The following IQSEC1 variants were observed in gnomAD, a reference collection of about 807,000 sequenced individuals.
IQSEC1 encodes IQ motif and Sec7 domain ArfGEF 1.
In IQSEC1, 31 loss-of-function variants were observed where a neutral mutation model predicts 91.0. The ratio of observed to expected loss-of-function variants is 0.34; its 90% CI spans 0.26 to 0.46. The LOEUF (loss-of-function observed/expected upper bound fraction) is 0.46, where lower values mean the gene tolerates loss of function less well. IQSEC1 is among the 20% of genes least tolerant of loss of function. The probability of loss-of-function intolerance (pLI) is 1.00; values close to 1 mark genes in which losing one functional copy is unlikely to be tolerated. For missense variants in IQSEC1, 1,388 were observed against 1,575.6 expected (o/e 0.88, Z 2.02); for synonymous variants, 699 against 662.6 (o/e 1.05, Z -0.84).
rs1181160077 is a variant in IQSEC1 at position 12,908,195 on chromosome 3, T to TCA, written c.2755+152_2755+153dup. On this transcript the variant is annotated intron_variant, in intron 12 of 13. Coordinates refer to ENST00000613206, the MANE Select transcript of IQSEC1 (RefSeq NM_001134382.3). The surrounding 1 kb of genome is among the most constrained non-coding windows in gnomAD (Gnocchi z 4.9). ...CTTTTTGGGGCGCCCTTTCTGTATG[T>TCA]CACACGCTGCTCTGCTTTGCGGAAG... 1.3e-5 allele frequency among the ~76,000 whole-genome samples: 2 copies of TCA among 152,366 alleles called. No homozygotes were observed. The highest frequency in any genetic ancestry group is 3.9e-4 in the East Asian group (2 of 5,186).
At chr3:13,113,301 T>C (rs1225150339) in intron 2 of IQSEC1, among the ~76,000 whole-genome samples, 2 of 152,150 alleles carry the variant, frequency 1.3e-5, no homozygotes, top group African/African-American at 4.8e-5. Flanking sequence ...GTGGGTTCAA[T>C]ATGGAAGAGG....
chr3:13,164,196 G>T (rs1021195878), intron 1 of IQSEC1, among the ~76,000 whole-genome samples: 1 of 152,034 alleles, frequency 6.6e-6, no homozygotes, highest in East Asian at 1.9e-4. Context: ...CCTGCACAAC[G>T]ACACTAGATG....
chr3:12,951,984 T>C (rs549680639), intron 1 of IQSEC1, among the ~76,000 whole-genome samples: 4 of 151,826 alleles, frequency 2.6e-5, no homozygotes, highest in African/African-American at 9.7e-5. Context: ...AGAGCGAGAG[T>C]CTGCAGGAAG....
At chr3:13,013,117 C>T (rs778715594) in intron 1 of IQSEC1, among the ~76,000 whole-genome samples, 10 of 152,186 alleles carry the variant, frequency 6.6e-5, no homozygotes, top group African/African-American at 1.9e-4. Flanking sequence ...TGCGCCACCA[C>T]GCCCGGCTAA....
chr3:13,143,471 C>T (rs1420415949), intron 2 of IQSEC1, among the ~76,000 whole-genome samples: 1 of 152,322 alleles, frequency 6.6e-6, no homozygotes, highest in Admixed American at 6.5e-5. Flanking sequence ...GGACGCAGAG[C>T]CTTGGCCCTG....
intron 1 of IQSEC1, among the ~76,000 whole-genome samples, chr3:13,213,743 A>G (rs6806609): frequency 0.45 from 67,716 of 152,066 alleles, 15,632 homozygotes; most frequent in African/African-American, 0.57. Context: ...TCCCAGGGAT[A>G]TGAGTGGGTC....
chr3:13,073,165 T>G lies in IQSEC1; in HGVS notation c.-151A>C. The G allele has an allele frequency of 2.0e-5, 10 of 507,338 alleles. No individual in the cohort carries two copies. Among genetic ancestry groups the G allele is most frequent in the East Asian group, 1.1e-4 (2 of 18,156 alleles). The allele number at this position is 507,338 out of a possible 1,614,324, so 31.4% of individuals were successfully genotyped here. ...CACATTCCCGGGGGTGGCGGGCTCCTCCAGGGAGGCTGGGGCGGGAGCGGG... is the reference window on the plus strand; with the variant it reads ...CACATTCCCGGGGGTGGCGGGCTCCGCCAGGGAGGCTGGGGCGGGAGCGGG... On this transcript the variant is annotated 5_prime_UTR_variant, in exon 1 of 14. Coordinates refer to ENST00000613206, the MANE Select transcript of IQSEC1 (RefSeq NM_001134382.3).
intron 1 of IQSEC1, among the ~76,000 whole-genome samples, chr3:13,233,855 C>A (rs1035589215): frequency 6.6e-6 from 1 of 152,190 alleles, no homozygotes; most frequent in African/African-American, 2.4e-5. Flanking sequence ...CGGGGCACTT[C>A]CCCTCTCTGT....
In IQSEC1 at chr3:13,207,830, T is replaced by G. The variant is rs1298320020; in HGVS notation, c.273-43697A>C. 2.6e-5 allele frequency among the ~76,000 whole-genome samples: 4 copies of G among 152,276 alleles called. No homozygotes were observed. The highest frequency in any genetic ancestry group is 9.6e-5 in the African/African-American group (4 of 41,558). On this transcript the variant is annotated intron_variant, in intron 1 of 15. Coordinates refer to the IQSEC1 transcript ENST00000648114. The surrounding 1 kb of genome is among the most constrained non-coding windows in gnomAD (Gnocchi z 4.8). ...TCCGGCCAGCCTTGTGTGGTCCCCA[T>G]ACACTGACCAGCCTTCCCTCCTGCC...
intron 1 of IQSEC1, among the ~76,000 whole-genome samples, chr3:13,167,555 G>A (rs965124371): frequency 6.6e-6 from 1 of 152,160 alleles, no homozygotes; most frequent in Non-Finnish European, 1.5e-5. Context: ...GGCAAGGAAG[G>A]GGAGGTGCTG....
At chr3:12,913,160 G>A (rs930511844) in intron 9 of IQSEC1, among the ~76,000 whole-genome samples, 1 of 152,250 alleles carries the variant, frequency 6.6e-6, no homozygotes, top group Non-Finnish European at 1.5e-5. Flanking sequence ...CGTCACACAA[G>A]GTACAGGTGC....
At chr3:12,921,894 C>A (rs1025037672) in intron 5 of IQSEC1, among the ~76,000 whole-genome samples, 1 of 152,194 alleles carries the variant, frequency 6.6e-6, no homozygotes, top group Admixed American at 6.5e-5. Context: ...TTAAAATAAT[C>A]GGTACAGTCT....
intron 1 of IQSEC1, among the ~76,000 whole-genome samples, chr3:13,237,204 C>T (rs915056787): frequency 5.9e-5 from 9 of 152,212 alleles, no homozygotes; most frequent in African/African-American, 1.7e-4. Flanking sequence ...GTCTGAAAAC[C>T]GTGGCCATGG....
intron 2 of IQSEC1, among the ~76,000 whole-genome samples, chr3:13,129,351 A>G (rs1706568180): frequency 6.6e-6 from 1 of 152,110 alleles, no homozygotes. Context: ...TGGTATTGGT[A>G]ATTTGTGTCT....
chr3:13,216,855 C>A (rs527819469), intron 1 of IQSEC1, among the ~76,000 whole-genome samples: 1 of 152,164 alleles, frequency 6.6e-6, no homozygotes, highest in Non-Finnish European at 1.5e-5. Flanking sequence ...TTACCCCTGC[C>A]CACTCCAGAA....
At position 12,992,618 on chromosome 3, in the gene IQSEC1, G is replaced by A. The variant is rs1702041068; in HGVS notation, c.24-50753C>T. On this transcript the variant is annotated intron_variant, in intron 1 of 13. Coordinates refer to ENST00000613206, the MANE Select transcript of IQSEC1 (RefSeq NM_001134382.3). This position sits in a 1 kb window ranked among gnomAD's most constrained non-coding sequence, Gnocchi z 4.1. ...AAATGAAACGGTGGCTCATCAAAGT[G>A]CACAACCAGACCCCTGCTCCCAGTC... is the stretch of plus-strand genomic sequence containing the variant. Among the ~76,000 whole-genome samples, 1 of 152,164 alleles carries A rather than the reference G, an allele frequency of 6.6e-6. No homozygotes were observed. Among genetic ancestry groups the A allele is most frequent in the Non-Finnish European group, 1.5e-5 (1 of 68,036 alleles).
intron 13 of IQSEC1, among the ~76,000 whole-genome samples, 183 bp downstream of exon 13, chr3:12,902,590 G>GC (rs1197547445): frequency 2.0e-5 from 3 of 149,262 alleles, no homozygotes; most frequent in African/African-American, 7.4e-5. Context: ...TTCCAGGCAG[G>GC]CAGGGGCAGG....
intron 1 of IQSEC1, among the ~76,000 whole-genome samples, chr3:13,006,613 A>C (rs1232860322): frequency 2.0e-5 from 3 of 152,254 alleles, no homozygotes; most frequent in African/African-American, 7.2e-5. Flanking sequence ...GTTTTAAGAC[A>C]CTATGTTCTG....
chr3:12,967,412 G>C lies in IQSEC1; in HGVS notation c.24-25547C>G. 1 of 1,535,588 alleles carries C rather than the reference G, an allele frequency of 6.5e-7. No individual in the cohort carries two copies. Among genetic ancestry groups the C allele is most frequent in the South Asian group, 1.2e-5 (1 of 83,242 alleles). On this transcript the variant is annotated intron_variant, in intron 1 of 13. Transcript: ENST00000613206. The surrounding 1 kb of genome is among the most constrained non-coding windows in gnomAD (Gnocchi z 5.9). ...CCGCTGTCAAGCTCTAGCTCCAGAA[G>C]GGACTGGGTCCTCTCCGAGTTGCAG...
Sources: allele counts gnomAD v4.1 joint callset (sites outside exome capture counted in the v4.1 genomes callset), GRCh38; gene constraint gnomAD v4.1.1; non-coding constraint Gnocchi (gnomAD v3.1); transcripts MANE v1.5; gene names NCBI Gene and HGNC (gene_info 2026-07-23, HGNC 2026-07-21).